The following PICALM variants were observed in gnomAD, a reference collection of about 807,000 sequenced individuals.
PICALM encodes the protein phosphatidylinositol-binding clathrin assembly protein.
PICALM carries 40 observed loss-of-function variants against 80.5 expected under a neutral mutation model. The observed-to-expected ratio is 0.50, with a 90% confidence interval of 0.39 to 0.65. PICALM has a LOEUF of 0.65. Among genes scored for constraint, PICALM ranks in the 30% least tolerant of loss-of-function variants. PICALM has a pLI of 0.00. For missense variants in PICALM, 676 were observed against 778.9 expected (o/e 0.87, Z 1.57); for synonymous variants, 288 against 260.3 (o/e 1.11, Z -1.02).
At chr11:85,987,327 G>T (rs2094602999) in intron 13 of PICALM, among the ~76,000 whole-genome samples, 1 of 152,100 alleles carries the variant, frequency 6.6e-6, no homozygotes, top group African/African-American at 2.4e-5. Flanking sequence ...ACCCCCATTT[G>T]TTTGATTCTA....
intron 14 of PICALM, chr11:85,982,264 G>C (rs899826437): frequency 2.9e-6 from 1 of 343,526 alleles, no homozygotes; most frequent in Non-Finnish European, 5.5e-6. Flanking sequence ...GGATAAGAGA[G>C]AAGTATTATA....
chr11:86,036,075 A>G (rs1352979150), intron 1 of PICALM, among the ~76,000 whole-genome samples: 3 of 152,114 alleles, frequency 2.0e-5, no homozygotes, highest in African/African-American at 4.8e-5. Flanking sequence ...CCTTGGTGGG[A>G]GTAGAAACAA....
In PICALM at chr11:86,047,114, C is replaced by G. The variant is rs139568346; in HGVS notation, c.131-15503G>C. ...TGGAACTACATTTTTCAAACAGTAA[C>G]CTTTCCACTAGCAGGATAGATGAAG... On this transcript the variant is annotated intron_variant, in intron 1 of 19. Transcript: ENST00000393346. Among the ~76,000 whole-genome samples, 1,049 of 152,298 alleles carry G rather than the reference C, an allele frequency of 6.9e-3. 6 individuals carry two copies. Among genetic ancestry groups the G allele is most frequent in the South Asian group, 0.015 (74 of 4,826 alleles).
intron 19 of PICALM, 140 bp downstream of exon 19, chr11:85,974,568 A>C (rs1411576636): frequency 2.1e-5 from 15 of 729,764 alleles, no homozygotes; most frequent in Non-Finnish European, 3.5e-5. Flanking sequence ...CTTATATAAG[A>C]AAGATATGAA....
chr11:86,056,143 A>AGAAAAAG (rs1555149114), intron 1 of PICALM, among the ~76,000 whole-genome samples: 1 of 143,794 alleles, frequency 7.0e-6, no homozygotes, highest in Non-Finnish European at 1.5e-5. Flanking sequence ...TTTAAAAAAA[A>AGAAAAAG]AAAAAAAGAA....
intron 19 of PICALM, among the ~76,000 whole-genome samples, chr11:85,963,091 T>C (rs2093744035): frequency 6.6e-6 from 1 of 152,196 alleles, no homozygotes. Context: ...TTGACTCTAC[T>C]TATTTCTGTG....
chr11:86,069,215 AG>A (rs1445775868), upstream of PICALM: 1 of 183,344 alleles, frequency 5.5e-6, no homozygotes, highest in Non-Finnish European at 1.2e-5. Flanking sequence ...TCGCTCAGCG[AG>A]GGAAGAGCTG....
chr11:85,962,779 A>G (rs972291369), intron 19 of PICALM, among the ~76,000 whole-genome samples: 5 of 152,314 alleles, frequency 3.3e-5, no homozygotes, highest in South Asian at 2.1e-4. Flanking sequence ...CTTATCATCA[A>G]TATCTGTATC....
intron 12 of PICALM, among the ~76,000 whole-genome samples, chr11:85,993,937 CT>C (rs1014795162): frequency 3.4e-4 from 52 of 152,018 alleles, no homozygotes; most frequent in African/African-American, 1.3e-3. Context: ...CCAGGCTGGT[CT>C]CAAATTCTTG....
intron 1 of PICALM, among the ~76,000 whole-genome samples, chr11:86,067,882 C>T (rs544458): frequency 0.79 from 120,669 of 151,986 alleles, 47,996 homozygotes; most frequent in African/African-American, 0.82. Flanking sequence ...GACAACACAA[C>T]GATTAAATTC....
intron 1 of PICALM, among the ~76,000 whole-genome samples, chr11:86,039,480 T>C (rs1347620365): frequency 6.6e-6 from 1 of 152,180 alleles, no homozygotes; most frequent in Non-Finnish European, 1.5e-5. Flanking sequence ...CTACCATTTG[T>C]AAAATTGCCA....
intron 1 of PICALM, among the ~76,000 whole-genome samples, chr11:86,033,358 G>A (rs189312316): frequency 3.6e-4 from 55 of 151,894 alleles, no homozygotes; most frequent in African/African-American, 1.3e-3. Flanking sequence ...TATTCCCTTT[G>A]TGATCTGTTC....
At chr11:86,039,897 A>G (rs1296026563) in intron 1 of PICALM, among the ~76,000 whole-genome samples, 2 of 150,928 alleles carry the variant, frequency 1.3e-5, no homozygotes, top group African/African-American at 2.4e-5. Context: ...CCAGCTACTC[A>G]GGAGGCTGAA....
At position 86,068,923 on chromosome 11, in the gene PICALM, G is replaced by A. The variant is rs893291865; in HGVS notation, c.-143C>T. 8.2e-6 allele frequency: 9 copies of A among 1,101,488 alleles called. No individual in the cohort carries two copies. In the Admixed American group the frequency reaches 2.6e-4, roughly 32 times the overall value. The allele number at this position is 1,101,488 out of a possible 1,614,324, so 68.2% of individuals were successfully genotyped here. On this transcript the variant is annotated 5_prime_UTR_variant, in exon 1 of 20. Coordinates refer to ENST00000393346, the MANE Select transcript of PICALM (RefSeq NM_007166.4). ...CTGCCGGCCTGGGGCGCGGTTCGGG[G>A]CCGCGCGCTGCCACCAGTCCAGAGA...
At chr11:85,974,476 T>G in intron 19 of PICALM, 1 of 634,060 alleles carries the variant, frequency 1.6e-6, no homozygotes, top group South Asian at 1.4e-5. Flanking sequence ...ATCTACCAAC[T>G]ATAAGTTACC....
At chr11:86,065,378 G>T (rs538914287) in intron 1 of PICALM, among the ~76,000 whole-genome samples, 1 of 152,216 alleles carries the variant, frequency 6.6e-6, no homozygotes, top group Admixed American at 6.5e-5. Flanking sequence ...GGGAGGCAGA[G>T]GTTGCAGTGA....
At chr11:86,021,994 T>C (rs2095572192) in intron 4 of PICALM, among the ~76,000 whole-genome samples, 1 of 152,202 alleles carries the variant, frequency 6.6e-6, no homozygotes, top group Admixed American at 6.5e-5. Flanking sequence ...AGTAGATTCA[T>C]GGTTGCCAGG....
chr11:85,986,795 C>T (rs530648824), intron 13 of PICALM, among the ~76,000 whole-genome samples: 39 of 152,266 alleles, frequency 2.6e-4, no homozygotes, highest in East Asian at 9.6e-4. Context: ...CACATACACG[C>T]GTGCGCACAT....
intron 1 of PICALM, among the ~76,000 whole-genome samples, chr11:86,037,392 T>C (rs947398333): frequency 2.6e-4 from 40 of 151,634 alleles, no homozygotes; most frequent in African/African-American, 9.4e-4. Flanking sequence ...CCCAAGTAGC[T>C]GGGATTACAG....
Sources: allele counts gnomAD v4.1 joint callset (sites outside exome capture counted in the v4.1 genomes callset), GRCh38; gene constraint gnomAD v4.1.1; transcripts MANE v1.5; gene names NCBI Gene and HGNC (gene_info 2026-07-23, HGNC 2026-07-21).